The following CELA3B variants were observed in gnomAD, a reference collection of about 807,000 sequenced individuals.
CELA3B encodes chymotrypsin like elastase 3B.
CELA3B carries 34 observed loss-of-function variants against 37.2 expected under a neutral mutation model. The observed-to-expected ratio is 0.91, with a 90% CI of 0.70 to 1.22. CELA3B has a LOEUF of 1.22. CELA3B is among the 50% of genes most tolerant of loss of function. The pLI is 0.00. For synonymous variants in CELA3B, 127 were observed against 143.5 expected (o/e 0.89, Z 0.82); for missense variants, 340 against 363.1 (o/e 0.94, Z 0.52).
downstream of CELA3B, among the ~76,000 whole-genome samples, chr1:21,994,201 T>A (rs929974865): frequency 1.3e-5 from 2 of 150,980 alleles, no homozygotes; most frequent in African/African-American, 4.9e-5. Context: ...CAGGCACCTA[T>A]GACAGCAGGC....
intron 4 of CELA3B, among the ~76,000 whole-genome samples, chr1:21,996,577 C>G (rs1297108812): frequency 1.3e-5 from 2 of 151,164 alleles, no homozygotes; most frequent in Non-Finnish European, 2.9e-5. Flanking sequence ...TTCTTTATAC[C>G]TTTACTTTCT....
At chr1:21,991,487 C>T (rs1644868803), downstream of CELA3B, among the ~76,000 whole-genome samples, 1 of 151,022 alleles carries the variant, frequency 6.6e-6, no homozygotes, top group Admixed American at 6.6e-5. Flanking sequence ...AGGCGCATGC[C>T]ACCACGCTCA....
At chr1:21,988,844 T>C (rs9700803) in intron 7 of CELA3B, among the ~76,000 whole-genome samples, 33,942 of 149,886 alleles carry the variant, frequency 0.23, 35 homozygotes, top group East Asian at 0.32. Flanking sequence ...GAGCTGAGAT[T>C]GTGCCACTGC....
chr1:21,979,129 A>ACGGTG (rs1644788834), intron 2 of CELA3B, among the ~76,000 whole-genome samples: 4 of 148,692 alleles, frequency 2.7e-5, no homozygotes, highest in African/African-American at 7.3e-5. Flanking sequence ...CTGAAGTGCA[A>ACGGTG]TGGCACAATC....
At chr1:21,987,268 G>A (rs1644844747) in intron 7 of CELA3B, among the ~76,000 whole-genome samples, 1 of 151,290 alleles carries the variant, frequency 6.6e-6, no homozygotes, top group Non-Finnish European at 1.5e-5. Context: ...GCCTGGCCAA[G>A]ATGGTGAAAC....
rs191073605 is a variant in CELA3B at position 21,981,938 on chromosome 1, G to A, written c.362+766G>A. On this transcript the variant is annotated intron_variant, in intron 4 of 7. Coordinates refer to ENST00000337107, the MANE Select transcript of CELA3B (RefSeq NM_007352.4). Reference sequence around the variant, plus strand: ...GACGGGGTTTCACCGTGTTAGCCAGGATGATCTCGATCTCCTGACCTCGTG... The same window carrying A: ...GACGGGGTTTCACCGTGTTAGCCAGAATGATCTCGATCTCCTGACCTCGTG... Among the ~76,000 whole-genome samples the A allele has an allele frequency of 1.3e-3, 197 of 152,110 alleles. 1 individual carries two copies. The highest frequency in any genetic ancestry group is 5.4e-3 in the South Asian group (26 of 4,820).
chr1:21,997,730 G>A (rs1023424326), intron 4 of CELA3B, among the ~76,000 whole-genome samples: 6 of 151,172 alleles, frequency 4.0e-5, no homozygotes, highest in African/African-American at 1.5e-4. Context: ...ATACAGGCAG[G>A]AAACAAATTT....
chr1:21,980,309 G>A (rs546234375), intron 2 of CELA3B, among the ~76,000 whole-genome samples: 3 of 150,786 alleles, frequency 2.0e-5, no homozygotes, highest in South Asian at 2.1e-4. Flanking sequence ...GTGAAACTCC[G>A]TGTCTACTAA....
rs1433428289 is a variant in CELA3B at position 21,986,667 on chromosome 1, T to C, written c.779T>C (p.Ile260Thr). 3 of 1,613,450 alleles carry C rather than the reference T, an allele frequency of 1.9e-6. No homozygotes were observed. The African/African-American group carries it at 4.0e-5, about 22-fold the overall frequency. ...GTGTTCACTCGAGTCTCCGCCTTCA[T>C]TGACTGGATTGAGGAGGTGAGGAGG... ...PTVFTRVSAF[I>T]DWIEETIASH Residue 260 changes from isoleucine to threonine, a missense_variant, in exon 7 of 8, where the codon ATT becomes ACT. Ile to Thr is a moderately conservative substitution (Grantham distance 89). Coordinates refer to ENST00000337107, the MANE Select transcript of CELA3B (RefSeq NM_007352.4).
rs138923047 is a variant in CELA3B, at chr1:21,995,300, G to T, written c.505-2851G>T. 3.9e-3 allele frequency among the ~76,000 whole-genome samples: 590 copies of T among 150,574 alleles called. 31 individuals are homozygous for T. The highest frequency in any genetic ancestry group is 0.014 in the African/African-American group (551 of 40,606). ...ACTACAGGTGTGTACCATCACGTCT[G>T]GCTAATTTTTGTATTTTTAGTAAAG... On this transcript the variant is annotated intron_variant, in intron 4 of 4. Transcript: ENST00000400277.
intron 3 of CELA3B, 47 bp downstream of exon 3, chr1:21,980,968 A>T (rs1466614909): frequency 2.4e-5 from 39 of 1,613,684 alleles, no homozygotes; most frequent in Non-Finnish European, 3.3e-5. Flanking sequence ...GCAGCTGGGG[A>T]GGGTGGGTGA....
chr1:21,992,110 A>C (rs1462722135), downstream of CELA3B, among the ~76,000 whole-genome samples: 2 of 151,000 alleles, frequency 1.3e-5, no homozygotes, highest in African/African-American at 4.9e-5. Context: ...ACAAGAGCAA[A>C]ACTCCGTTTC....
chr1:21,977,719 T>C (rs1326713776), intron 1 of CELA3B, among the ~76,000 whole-genome samples: 1 of 151,956 alleles, frequency 6.6e-6, no homozygotes, highest in East Asian at 1.9e-4. Flanking sequence ...CTGCACTTAA[T>C]GTTTTTATTT....
At chr1:21,977,407 A>G (rs1411175776) in intron 1 of CELA3B, among the ~76,000 whole-genome samples, 1 of 152,062 alleles carries the variant, frequency 6.6e-6, no homozygotes, top group Middle Eastern at 3.2e-3. Context: ...TTACCACTCC[A>G]ACTCTCCTCT....
exon 5 of CELA3B, chr1:21,998,362 G>C (rs757310163): frequency 7.1e-5 from 26 of 365,406 alleles, no homozygotes; most frequent in Non-Finnish European, 1.2e-4. Context: ...CCACAGCAGT[G>C]AACAAAGCAC....
intron 7 of CELA3B, among the ~76,000 whole-genome samples, chr1:21,988,750 C>A (rs1301896453): frequency 6.6e-6 from 1 of 151,760 alleles, no homozygotes; most frequent in Non-Finnish European, 1.5e-5. Flanking sequence ...ATTAGCCAGG[C>A]ATGGTGGCGT....
Position 21,977,098 on chromosome 1 carries a change from G to C in CELA3B, c.43+16G>C, listed in dbSNP as rs2152815062. The stretch of plus-strand genomic sequence containing the variant: ...GTGGCCGTTGGTAAGACCCCAACCT[G>C]TGTGTGTGCTCCCTGGGCTGCCCTA... On this transcript the variant is annotated intron_variant, in intron 1 of 7. Coordinates refer to ENST00000337107, the MANE Select transcript of CELA3B (RefSeq NM_007352.4). 5.0e-6 allele frequency: 8 copies of C among 1,614,116 alleles called. No homozygotes were observed. Among genetic ancestry groups the C allele is most frequent in the South Asian group, 1.1e-5 (1 of 91,078 alleles).
exon 5 of CELA3B, chr1:21,998,328 T>C: frequency 2.4e-6 from 1 of 418,350 alleles, no homozygotes. Context: ...GAGTGCCCAC[T>C]GGGTTATATT....
intron 4 of CELA3B, among the ~76,000 whole-genome samples, chr1:21,996,542 A>G (rs1053746124): frequency 6.6e-6 from 1 of 151,138 alleles, no homozygotes; most frequent in Non-Finnish European, 1.5e-5. Flanking sequence ...TAACCATAAA[A>G]AAGGGCATGT....
Sources: allele counts gnomAD v4.1 joint callset (sites outside exome capture counted in the v4.1 genomes callset), GRCh38; gene constraint gnomAD v4.1.1; transcripts MANE v1.5; gene names NCBI Gene and HGNC (gene_info 2026-07-23, HGNC 2026-07-21).